Variants in SLC16A9 observed in about 807,000 individuals in gnomAD.
SLC16A9 encodes the protein solute carrier family 16 member 9.
In SLC16A9, 26 loss-of-function variants were observed where a neutral mutation model predicts 44.3. The observed-to-expected ratio is 0.59, with a 90% CI of 0.43 to 0.81. The LOEUF (loss-of-function observed/expected upper bound fraction) is 0.81. SLC16A9 is among the 40% of genes least tolerant of loss of function. The pLI, the probability that SLC16A9 is intolerant of heterozygous loss-of-function variation, is 0.00. For missense variants in SLC16A9, 559 were observed against 595.8 expected (o/e 0.94, Z 0.64); for synonymous variants, 230 against 225.1 (o/e 1.02, Z -0.19).
intron 3 of SLC16A9, among the ~76,000 whole-genome samples, chr10:59,665,653 T>G (rs532151142): frequency 2.0e-5 from 3 of 152,338 alleles, no homozygotes; most frequent in Non-Finnish European, 4.4e-5. Context: ...ATAAGAACTG[T>G]TTCTAACCAA....
intron 4 of SLC16A9, among the ~76,000 whole-genome samples, chr10:59,655,319 A>G (rs563175963): frequency 6.6e-6 from 1 of 152,262 alleles, no homozygotes; most frequent in East Asian, 1.9e-4. Context: ...AAAAAAACCC[A>G]AAAACCAAGT....
chr10:59,668,478 C>T (rs997292255), intron 3 of SLC16A9, among the ~76,000 whole-genome samples: 2 of 152,208 alleles, frequency 1.3e-5, no homozygotes, highest in Non-Finnish European at 2.9e-5. Flanking sequence ...CTCCCCAGCA[C>T]ACACACATAC....
intron 3 of SLC16A9, among the ~76,000 whole-genome samples, chr10:59,667,001 A>G (rs914542603): frequency 6.6e-6 from 1 of 152,194 alleles, no homozygotes; most frequent in Non-Finnish European, 1.5e-5. Flanking sequence ...ATGTTTTACA[A>G]TGAAATGTGT....
At position 59,652,796 on chromosome 10, in the gene SLC16A9, C is replaced by T; in HGVS notation, c.1506G>A (p.Leu502=). ...QLPKPAPTTF[L]YKVASNV is the part of the protein sequence containing the mutation. ...TCTAAACATTAGAGGCAACTTTGTA[C>T]AAGAAAGTTGTTGGAGCTGGCTTGG... Residue 502 remains leucine, a synonymous_variant, in exon 6 of 6, where the codon TTG becomes TTA. Coordinates refer to ENST00000395348, the MANE Select transcript of SLC16A9 (RefSeq NM_194298.3). 6.2e-7 allele frequency: 1 copy of T among 1,611,690 alleles called. No homozygotes were observed. The highest frequency in any genetic ancestry group is 8.5e-7 in the Non-Finnish European group (1 of 1,179,290).
chr10:59,685,055 G>A (rs1840102581), intron 1 of SLC16A9, among the ~76,000 whole-genome samples: 1 of 152,176 alleles, frequency 6.6e-6, no homozygotes, highest in Admixed American at 6.5e-5. Context: ...TCACCAACTG[G>A]AGTATTTTTC....
chr10:59,672,557 G>A (rs560399275), intron 3 of SLC16A9, among the ~76,000 whole-genome samples: 5 of 152,366 alleles, frequency 3.3e-5, no homozygotes, highest in African/African-American at 1.2e-4. Flanking sequence ...CTTGCAAGGA[G>A]ACAGAGTATG....
chr10:59,696,346 T>A (rs1264538705), intron 1 of SLC16A9, among the ~76,000 whole-genome samples: 1 of 152,240 alleles, frequency 6.6e-6, no homozygotes, highest in Admixed American at 6.5e-5. Context: ...CCGCGAGTGA[T>A]CCGCCAGCCT....
chr10:59,694,687 G>A (rs574284562), intron 1 of SLC16A9, among the ~76,000 whole-genome samples: 3 of 150,714 alleles, frequency 2.0e-5, no homozygotes, highest in Non-Finnish European at 4.4e-5. Flanking sequence ...TGTAATCCCA[G>A]CTACTTGGGG....
chr10:59,680,344 G>T (rs892132278), intron 2 of SLC16A9, among the ~76,000 whole-genome samples: 1 of 152,044 alleles, frequency 6.6e-6, no homozygotes, highest in Non-Finnish European at 1.5e-5. Flanking sequence ...CCAAATCTAG[G>T]TTTGCCAAAG....
chr10:59,680,348 G>T (rs1383340394), intron 2 of SLC16A9, among the ~76,000 whole-genome samples: 2 of 152,256 alleles, frequency 1.3e-5, no homozygotes, highest in East Asian at 1.9e-4. Flanking sequence ...ATCTAGGTTT[G>T]CCAAAGCCCA....
At chr10:59,665,981 T>C (rs1467811425) in intron 3 of SLC16A9, among the ~76,000 whole-genome samples, 1 of 152,270 alleles carries the variant, frequency 6.6e-6, no homozygotes, top group East Asian at 1.9e-4. Context: ...CTGAAACACA[T>C]TTACTTTAAA....
chr10:59,682,384 C>A (rs1840043683), intron 2 of SLC16A9, among the ~76,000 whole-genome samples: 1 of 152,168 alleles, frequency 6.6e-6, no homozygotes, highest in Non-Finnish European at 1.5e-5. Context: ...AAGAGGGCTG[C>A]TCCTGGCTCT....
intron 2 of SLC16A9, among the ~76,000 whole-genome samples, chr10:59,678,090 A>G (rs2132468888): frequency 7.6e-6 from 1 of 131,910 alleles, no homozygotes; most frequent in Non-Finnish European, 1.5e-5. Flanking sequence ...CCTGTGTCAC[A>G]CTTCTTTTTC....
intron 4 of SLC16A9, 54 bp from the exon 5 acceptor site, chr10:59,654,643 G>T: frequency 1.4e-6 from 2 of 1,399,908 alleles, no homozygotes; most frequent in Non-Finnish European, 1.9e-6. Flanking sequence ...CTCAGGATTA[G>T]AATTTGTAAT....
intron 4 of SLC16A9, 134 bp from the exon 5 acceptor site, chr10:59,654,723 T>C: frequency 2.8e-6 from 2 of 704,430 alleles, no homozygotes; most frequent in Non-Finnish European, 4.4e-6. Context: ...ATTAAGAAGA[T>C]AGAAGATAAC....
Position 59,654,163 on chromosome 10 carries a change from T to C in SLC16A9, c.863A>G (p.Gln288Arg). ...TTCACCACAGTAGTTTTTATATAAC[T>C]GCCACTTCCTCTTGGCAAGCTGTTT... ...FCKQLAKRKWQLYKNYCGETV... is the reference protein window; with the variant it reads ...FCKQLAKRKWRLYKNYCGETV... The change falls in exon 5 of 6, where the codon CAG becomes CGG. Residue 288 changes from glutamine to arginine, a missense_variant. Gln to Arg is a conservative substitution (Grantham distance 43, BLOSUM62 1). Coordinates refer to ENST00000395348, the MANE Select transcript of SLC16A9 (RefSeq NM_194298.3). 1 of 1,614,086 alleles carries C rather than the reference T, an allele frequency of 6.2e-7. No homozygotes were observed. The highest frequency in any genetic ancestry group is 8.5e-7 in the Non-Finnish European group (1 of 1,180,008).
intron 2 of SLC16A9, among the ~76,000 whole-genome samples, chr10:59,673,689 A>T (rs2132455212): frequency 1.3e-5 from 2 of 152,354 alleles, no homozygotes; most frequent in South Asian, 4.1e-4. Flanking sequence ...TTAGCAAGAA[A>T]GCGGTAGGAA....
At chr10:59,700,894 A>G (rs904967919) in intron 1 of SLC16A9, among the ~76,000 whole-genome samples, 1 of 152,108 alleles carries the variant, frequency 6.6e-6, no homozygotes. Context: ...GGCTTTCGTG[A>G]GCCCACTGCA....
At chr10:59,664,392 CA>C (rs539369977) in intron 3 of SLC16A9, 70 bp from the exon 4 acceptor site, 165 of 1,024,290 alleles carry the variant, frequency 1.6e-4, no homozygotes, top group Non-Finnish European at 2.3e-4. Flanking sequence ...AAAGGAAAAA[CA>C]AGTATGTCCG....
Sources: gnomAD v4.1 joint callset for allele counts (sites outside exome capture counted in the v4.1 genomes callset) on GRCh38, gnomAD v4.1.1 for gene constraint, MANE v1.5 for transcripts, NCBI Gene and HGNC (gene_info 2026-07-23, HGNC 2026-07-21) for gene names.